PDGFB: variants seen among roughly 807,000 people sequenced by gnomAD.
PDGFB encodes platelet-derived growth factor subunit B.
A neutral mutation model predicts 29.0 loss-of-function variants in PDGFB; 6 were observed. The ratio of observed to expected loss-of-function variants is 0.21; its 90% CI spans 0.11 to 0.41. The LOEUF (loss-of-function observed/expected upper bound fraction) is 0.41, where lower values mean the gene tolerates loss of function less well. PDGFB is among the 10% of genes least tolerant of loss of function. The pLI is 1.00. For synonymous variants in PDGFB, 144 were observed against 140.8 expected, an observed-to-expected ratio of 1.02 and a Z score of -0.16; for missense variants, 299 against 341.8, an observed-to-expected ratio of 0.87 and a Z score of 0.99.
At chr22:39,230,333 T>C in intron 4 of PDGFB, 105 bp from the exon 5 acceptor site, 1 of 1,189,616 alleles carries the variant, frequency 8.4e-7, no homozygotes. Flanking sequence ...TGCAGCAATC[T>C]TTCCTCGAAA....
intron 5 of PDGFB, 132 bp from the exon 6 acceptor site, chr22:39,225,979 G>A: frequency 9.7e-7 from 1 of 1,035,362 alleles, no homozygotes; most frequent in Non-Finnish European, 1.4e-6. Flanking sequence ...AGGGTCCTGG[G>A]TTTGGATCCC....
chr22:39,230,177 C>T lies in PDGFB; in HGVS notation c.508G>A (p.Val170Met). The part of the protein sequence containing the change: ...RKKPIFKKAT[V>M]TLEDHLACKC... ...CATGCCAGGTGGTCTTCCAGCGTCA[C>T]CGTGGCCTTCTTAAAGATTGGCTTC... is the stretch of plus-strand genomic sequence containing the variant. The change falls in exon 5 of 7, where the codon GTG (valine) becomes ATG (methionine). Residue 170 changes from valine to methionine, a missense_variant. Val to Met is a conservative substitution (Grantham distance 21). Transcript: ENST00000331163. The T allele has an allele frequency of 6.2e-7, 1 of 1,614,096 alleles. No homozygotes were observed. The highest frequency in any genetic ancestry group is 8.5e-7 in the Non-Finnish European group (1 of 1,180,030).
chr22:39,236,668 C>T (rs188235338), intron 1 of PDGFB, among the ~76,000 whole-genome samples: 14 of 152,246 alleles, frequency 9.2e-5, no homozygotes, highest in African/African-American at 3.1e-4. Flanking sequence ...AGAGCAGCCC[C>T]GTAGGAAGGT....
chr22:39,239,513 G>T (rs915633837), intron 1 of PDGFB, among the ~76,000 whole-genome samples: 1 of 152,186 alleles, frequency 6.6e-6, no homozygotes, highest in African/African-American at 2.4e-5. Context: ...CTTGGTATGG[G>T]AAGGTGAGCC....
intron 1 of PDGFB, among the ~76,000 whole-genome samples, chr22:39,237,786 G>A (rs1372779347): frequency 6.6e-6 from 1 of 152,236 alleles, no homozygotes; most frequent in Non-Finnish European, 1.5e-5. Flanking sequence ...GACCTCGGCT[G>A]GTCACTGCCC....
At chr22:39,239,298 G>A (rs928324284) in intron 1 of PDGFB, among the ~76,000 whole-genome samples, 9 of 152,050 alleles carry the variant, frequency 5.9e-5, no homozygotes, top group South Asian at 2.1e-4. Flanking sequence ...GAAAGAGTGC[G>A]TGACTTTGCA....
In PDGFB at chr22:39,233,352, C is replaced by T; in HGVS notation, c.250+83G>A. The T allele has an allele frequency of 3.9e-6, 4 of 1,033,376 alleles. No homozygotes were observed. In the South Asian group the frequency reaches 5.8e-5, roughly 15 times the overall value. The allele number at this position is 1,033,376 out of a possible 1,614,324, so 64.0% of individuals were successfully genotyped here. On this transcript the variant is annotated intron_variant, in intron 3 of 6. Transcript: ENST00000331163. ...GAGTTGTAAGAGGACCCTCGGGGCC[C>T]TCCGACTGGCTGCCCGCCCCCGTTC...
At chr22:39,232,577 C>A (rs1018500397) in intron 3 of PDGFB, among the ~76,000 whole-genome samples, 6 of 152,094 alleles carry the variant, frequency 3.9e-5, no homozygotes, top group Non-Finnish European at 8.8e-5. Flanking sequence ...GCAACCTCCG[C>A]CTCCCTGGTT....
At chr22:39,238,800 G>C (rs2146450976) in intron 1 of PDGFB, among the ~76,000 whole-genome samples, 1 of 152,352 alleles carries the variant, frequency 6.6e-6, no homozygotes, top group African/African-American at 2.4e-5. Flanking sequence ...CTCAACCAGG[G>C]CCCAGTGGGC....
Position 39,235,881 on chromosome 22 carries a change from G to C in PDGFB, c.64-7C>G. 2.5e-6 allele frequency: 4 copies of C among 1,604,492 alleles called. No individual in the cohort carries two copies. The highest frequency in any genetic ancestry group is 3.4e-6 in the Non-Finnish European group (4 of 1,171,864). On this transcript the variant is annotated splice_polypyrimidine_tract_variant and splice_region_variant and intron_variant, in intron 1 of 6. Coordinates refer to ENST00000331163, the MANE Select transcript of PDGFB (RefSeq NM_002608.4). Reference sequence around the variant, plus strand: ...CCTCGGGAATGGGGTCCCCCTGCCGGGCAGACACCAAAAGGCTGAGTGAGC... The same window carrying C: ...CCTCGGGAATGGGGTCCCCCTGCCGCGCAGACACCAAAAGGCTGAGTGAGC...
In PDGFB at chr22:39,243,251, C is replaced by CCT. The variant is rs1569140973; in HGVS notation, c.63+649_63+650insAG. Among the ~76,000 whole-genome samples the CCT allele has an allele frequency of 1.6e-3, 134 of 83,534 alleles. 1 individual carries two copies. The highest frequency in any genetic ancestry group is 4.9e-3 in the African/African-American group (132 of 27,096). 54.8% of individuals were successfully genotyped at this position (83,534 alleles called of 152,430 possible). A position where few individuals can be genotyped will look rare whatever the true frequency, so the allele number is the denominator to read the frequency against. On this transcript the variant is annotated intron_variant, in intron 1 of 6. Coordinates refer to ENST00000331163, the MANE Select transcript of PDGFB (RefSeq NM_002608.4). This position sits in a 1 kb window ranked among gnomAD's most constrained non-coding sequence, Gnocchi z 6.4. ...CCCTCTCTCTCTCCGTCTCTCTCTC[C>CCT]GTCTCTCTCTCTCTCTCTCTCTTTC...
At chr22:39,238,616 A>G (rs1445095831) in intron 1 of PDGFB, among the ~76,000 whole-genome samples, 1 of 152,224 alleles carries the variant, frequency 6.6e-6, no homozygotes, top group Non-Finnish European at 1.5e-5. Flanking sequence ...ACAGGTCCAG[A>G]CAATTAGCAA....
At position 39,240,858 on chromosome 22, in the gene PDGFB, G is replaced by A. The variant is rs1281490581; in HGVS notation, c.63+3043C>T. On this transcript the variant is annotated intron_variant, in intron 1 of 6. Coordinates refer to ENST00000331163, the MANE Select transcript of PDGFB (RefSeq NM_002608.4). ...CAAGACGTGGAGAGGTACTTACGAG[G>A]CCCATGATAAACATCTCACCATTCC... is the stretch of plus-strand genomic sequence containing the variant. 5.6e-6 allele frequency: 9 copies of A among 1,613,442 alleles called. No homozygotes were observed. In the African/African-American group the frequency reaches 1.1e-4, roughly 19 times the overall value.
Position 39,244,955 on chromosome 22 carries a change from G to A in PDGFB, c.-992C>T, listed in dbSNP as rs1932660312. 1.3e-5 allele frequency among the ~76,000 whole-genome samples: 2 copies of A among 152,020 alleles called. No homozygotes were observed. The highest frequency in any genetic ancestry group is 4.1e-4 in the South Asian group (2 of 4,834). ...GGGTGCGCAGGGAGGCAGGCAGGCC[G>A]CTCCCGGCTGCAGGAGGAGAAGTTG... On this transcript the variant is annotated 5_prime_UTR_variant, in exon 1 of 7. Coordinates refer to ENST00000331163, the MANE Select transcript of PDGFB (RefSeq NM_002608.4). The surrounding 1 kb of genome is among the most constrained non-coding windows in gnomAD (Gnocchi z 4.5).
chr22:39,235,725 ATCTCTTAAAGTCTCCTCGGAGGGC>A, intron 2 of PDGFB, 29 bp downstream of exon 2: 2 of 1,291,842 alleles, frequency 1.5e-6, no homozygotes, highest in Non-Finnish European at 2.2e-6. Flanking sequence ...CCCCTCCCAG[ATCTCTTAAAGTCTCCTCGGAGGGC>A]CGGAGCGCGG....
intron 5 of PDGFB, among the ~76,000 whole-genome samples, chr22:39,228,216 G>A (rs1000349963): frequency 6.6e-6 from 1 of 152,200 alleles, no homozygotes; most frequent in African/African-American, 2.4e-5. Context: ...CATCATCTAC[G>A]TTTCACTGGT....
intron 5 of PDGFB, among the ~76,000 whole-genome samples, chr22:39,229,305 G>T (rs529475363): frequency 1.3e-5 from 2 of 152,212 alleles, no homozygotes; most frequent in Admixed American, 1.3e-4. Context: ...TCCCACCTCA[G>T]CCTCCTAAGT....
Position 39,225,697 on chromosome 22 carries a change from G to A in PDGFB, c.*26C>T. 6.2e-7 allele frequency: 1 copy of A among 1,609,206 alleles called. No individual in the cohort carries two copies. On this transcript the variant is annotated splice_region_variant and 3_prime_UTR_variant, in exon 6 of 7. Coordinates refer to ENST00000331163, the MANE Select transcript of PDGFB (RefSeq NM_002608.4). ...CAGTTGCCCCGCCTGGCCCTCACCT[G>A]CCCACACACTCTCCTGCCGATGCCC...
At chr22:39,238,796 CAGG>C in intron 1 of PDGFB, among the ~76,000 whole-genome samples, 1 of 152,364 alleles carries the variant, frequency 6.6e-6, no homozygotes, top group African/African-American at 2.4e-5. Flanking sequence ...GGCTCTCAAC[CAGG>C]GCCCAGTGGG....
Sources: gnomAD v4.1 joint callset for allele counts (sites outside exome capture counted in the v4.1 genomes callset) on GRCh38, gnomAD v4.1.1 for gene constraint, Gnocchi (gnomAD v3.1) non-coding constraint, MANE v1.5 for transcripts, NCBI Gene and HGNC (gene_info 2026-07-23, HGNC 2026-07-21) for gene names.